PKP1: variants seen among roughly 807,000 people sequenced by gnomAD.
PKP1 encodes plakophilin-1.
PKP1 carries 27 observed loss-of-function variants against 76.4 expected under a neutral mutation model. The ratio of observed to expected loss-of-function variants is 0.35; its 90% CI spans 0.26 to 0.49. The LOEUF (loss-of-function observed/expected upper bound fraction) is 0.49, where lower values mean the gene tolerates loss of function less well. Ranked by LOEUF, PKP1 falls within the 20% of genes least tolerant of loss-of-function variation. The probability of loss-of-function intolerance (pLI) is 0.99; values close to 1 mark genes in which losing one functional copy is unlikely to be tolerated. For synonymous variants in PKP1, 404 were observed against 384.2 expected (o/e 1.05, Z -0.60); for missense variants, 964 against 955.2 (o/e 1.01, Z -0.12).
Position 201,324,504 on chromosome 1 carries a change from G to A in PKP1, c.1757G>A (p.Gly586Asp), listed in dbSNP as rs748268397. 2.5e-6 allele frequency: 4 copies of A among 1,614,010 alleles called. No homozygotes were observed. Among genetic ancestry groups the A allele is most frequent in the Admixed American group, 1.7e-5 (1 of 59,996 alleles). The change falls in exon 10 of 14, where the codon GGC becomes GAC. Residue 586 changes from glycine (G) to aspartate (D), a missense_variant. Physicochemically the swap from Gly to Asp is moderately conservative, Grantham distance 94. Transcript: ENST00000367324. ...LPQIARLLQS[G>D]NSDVVRSGAS... ...CAAATTGCCCGCCTCCTGCAATCTG[G>A]CAACTCTGATGTGGTGCGGTCCGGA...
At chr1:201,285,809 A>G (rs927035060) in intron 1 of PKP1, among the ~76,000 whole-genome samples, 1 of 152,190 alleles carries the variant, frequency 6.6e-6, no homozygotes, top group African/African-American at 2.4e-5. Context: ...GGGAACTTCT[A>G]TCTGATAAGG....
At chr1:201,287,772 C>A (rs1655781905) in intron 1 of PKP1, among the ~76,000 whole-genome samples, 1 of 152,208 alleles carries the variant, frequency 6.6e-6, no homozygotes, top group African/African-American at 2.4e-5. Flanking sequence ...GACCCCATAC[C>A]ATTGTAAGTA....
At position 201,319,711 on chromosome 1, in the gene PKP1, G is replaced by A. The variant is rs143985747; in HGVS notation, c.1233-556G>A. On this transcript the variant is annotated intron_variant, in intron 6 of 13. Coordinates refer to ENST00000367324, the MANE Select transcript of PKP1 (RefSeq NM_001005337.3). ...TGCTTGGGAGTGAGCCTACTGCTGG[G>A]GGCAGAACACAGCTTGGGTGGAGAG... 3,205 of 1,123,160 alleles carry A rather than the reference G, an allele frequency of 2.9e-3. 10 individuals are homozygous for A. Among genetic ancestry groups the A allele is most frequent in the Non-Finnish European group, 3.7e-3 (2,747 of 742,268 alleles). The allele number at this position is 1,123,160 out of a possible 1,614,324, so 69.6% of individuals were successfully genotyped here. A position where few individuals can be genotyped will look rare whatever the true frequency, so the allele number is the denominator to read the frequency against.
chr1:201,327,803 T>C (rs968951377), intron 12 of PKP1, among the ~76,000 whole-genome samples: 1 of 152,032 alleles, frequency 6.6e-6, no homozygotes, highest in African/African-American at 2.4e-5. Context: ...CCATCATGCA[T>C]TGAGTTGTCA....
chr1:201,311,910 C>T (rs1045139223), intron 2 of PKP1, among the ~76,000 whole-genome samples: 18 of 152,242 alleles, frequency 1.2e-4, no homozygotes, highest in African/African-American at 4.1e-4. Flanking sequence ...CAGTTCTGTT[C>T]CAGAACTGAT....
At chr1:201,300,797 T>G (rs1656206414) in intron 2 of PKP1, among the ~76,000 whole-genome samples, 1 of 152,152 alleles carries the variant, frequency 6.6e-6, no homozygotes. Context: ...AGTGGTGTCC[T>G]CCAAGGGCAA....
chr1:201,322,666 G>A (rs557997993), intron 8 of PKP1, among the ~76,000 whole-genome samples: 41 of 152,298 alleles, frequency 2.7e-4, no homozygotes, highest in Admixed American at 2.5e-3. Context: ...TGGAAGAGGA[G>A]GAAGCATCAT....
intron 1 of PKP1, among the ~76,000 whole-genome samples, chr1:201,290,204 A>G (rs2102151372): frequency 6.6e-6 from 1 of 152,308 alleles, no homozygotes; most frequent in South Asian, 2.1e-4. Flanking sequence ...ACGCGGATGT[A>G]AAATCAGACG....
intron 2 of PKP1, among the ~76,000 whole-genome samples, chr1:201,310,412 T>G (rs2102170498): frequency 6.6e-6 from 1 of 152,350 alleles, no homozygotes; most frequent in African/African-American, 2.4e-5. Context: ...CTCCAGAGTC[T>G]GTGTTCTTGA....
chr1:201,308,286 G>C (rs1258865659), intron 2 of PKP1, among the ~76,000 whole-genome samples: 2 of 152,194 alleles, frequency 1.3e-5, no homozygotes, highest in Admixed American at 6.5e-5. Flanking sequence ...CTGTGCCCTG[G>C]AGGCCATGGG....
At position 201,325,147 on chromosome 1, in the gene PKP1, C is replaced by T. The variant is rs752667674; in HGVS notation, c.2021+20C>T. 9.9e-6 allele frequency: 16 copies of T among 1,611,066 alleles called. No individual in the cohort carries two copies. The South Asian group carries it at 1.7e-4, about 17-fold the overall frequency. On this transcript the variant is annotated intron_variant, in intron 11 of 13. Transcript: ENST00000367324. ...AAGCAGGTGGGCGGGGGGTTGCTCC[C>T]ACGGGCTGCACCCCAATCAGAGCCC...
At chr1:201,323,566 T>A (rs1009710508) in intron 9 of PKP1, among the ~76,000 whole-genome samples, 15 of 151,982 alleles carry the variant, frequency 9.9e-5, no homozygotes, top group African/African-American at 3.4e-4. Context: ...AAAAGAGGGT[T>A]TGGGGTCCAA....
intron 2 of PKP1, 33 bp from the exon 3 acceptor site, chr1:201,313,133 C>A (rs1387114818): frequency 1.2e-6 from 2 of 1,605,938 alleles, no homozygotes; most frequent in East Asian, 2.2e-5. Flanking sequence ...ATTTAGGAAC[C>A]TTGACTGAGC....
At chr1:201,317,212 A>T (rs80280493) in intron 4 of PKP1, among the ~76,000 whole-genome samples, 1 of 152,130 alleles carries the variant, frequency 6.6e-6, no homozygotes, top group Non-Finnish European at 1.5e-5. Flanking sequence ...ATGCATTTCT[A>T]TGTCTGTGTT....
chr1:201,330,693 G>T lies in PKP1; in HGVS notation c.*652G>T, dbSNP rs1054189388. ...TGCTTTCCAGGAAGGGAGGTCTGGT[G>T]TATCTCATGGGAGAATCTGGGGTGT... On this transcript the variant is annotated 3_prime_UTR_variant, in exon 14 of 14. Transcript: ENST00000367324. 1 of 152,266 alleles carries T rather than the reference G, an allele frequency of 6.6e-6. No individual in the cohort carries two copies. The highest frequency in any genetic ancestry group is 2.4e-5 in the African/African-American group (1 of 41,442). The allele number at this position is 152,266 out of a possible 1,614,324, so 9.4% of individuals were successfully genotyped here. A position where few individuals can be genotyped will look rare whatever the true frequency, so the allele number is the denominator to read the frequency against.
rs200173870 is a variant in PKP1, at chr1:201,320,360, G to A, written c.1326G>A (p.Ala442=). Reference sequence around the variant, plus strand: ...TGGCCTATGTCCAGAACTGTGTAGCGGCCAGCCGCTGTGACGACAAGGTGA... The same window carrying A: ...TGGCCTATGTCCAGAACTGTGTAGCAGCCAGCCGCTGTGACGACAAGGTGA... ...SLMAYVQNCV[A]ASRCDDKSVE... is the part of the protein sequence containing the mutation. Residue 442 remains alanine, a synonymous_variant, in exon 7 of 14, where the codon GCG becomes GCA. Transcript: ENST00000367324. 53 of 1,612,906 alleles carry A rather than the reference G, an allele frequency of 3.3e-5. No individual in the cohort carries two copies. The highest frequency in any genetic ancestry group is 1.7e-4 in the Middle Eastern group (1 of 6,058).
intron 3 of PKP1, among the ~76,000 whole-genome samples, chr1:201,314,212 G>T (rs1656656645): frequency 6.6e-6 from 1 of 152,214 alleles, no homozygotes; most frequent in Non-Finnish European, 1.5e-5. Context: ...CAGCACTTTG[G>T]GAGGCCGAGG....
chr1:201,287,153 C>T (rs1429003440), intron 1 of PKP1, among the ~76,000 whole-genome samples: 1 of 152,192 alleles, frequency 6.6e-6, no homozygotes, highest in Non-Finnish European at 1.5e-5. Context: ...CTCCCTTCTT[C>T]ATAGAAGTAC....
At chr1:201,298,933 A>G (rs898497465) in intron 2 of PKP1, among the ~76,000 whole-genome samples, 1 of 152,174 alleles carries the variant, frequency 6.6e-6, no homozygotes, top group Non-Finnish European at 1.5e-5. Flanking sequence ...AGATGAGAGG[A>G]CTGGGGTTGC....
Sources: gnomAD v4.1 joint callset for allele counts (sites outside exome capture counted in the v4.1 genomes callset) on GRCh38, gnomAD v4.1.1 for gene constraint, MANE v1.5 for transcripts, NCBI Gene and HGNC (gene_info 2026-07-23, HGNC 2026-07-21) for gene names.